Variants in ABTB2 observed in about 807,000 individuals in gnomAD.
ABTB2 encodes ankyrin repeat and BTB domain containing 2, also known as ankyrin repeat and BTB/POZ domain-containing protein 2.
A neutral mutation model predicts 104.1 loss-of-function variants in ABTB2; 56 were observed. That is an observed-to-expected ratio of 0.54 (90% CI 0.43 to 0.67). The LOEUF (loss-of-function observed/expected upper bound fraction) is 0.67. ABTB2 is among the 30% of genes least tolerant of loss of function. The probability of loss-of-function intolerance (pLI) is 0.00; values close to 1 mark genes in which losing one functional copy is unlikely to be tolerated. For missense variants in ABTB2, 1,279 were observed against 1,407.7 expected (o/e 0.91, Z 1.46); for synonymous variants, 606 against 608.2 (o/e 1.00, Z 0.05).
chr11:34,314,579 T>A (rs867205956), intron 1 of ABTB2, among the ~76,000 whole-genome samples: 5 of 152,062 alleles, frequency 3.3e-5, no homozygotes, highest in South Asian at 2.1e-4. Flanking sequence ...AAGGGAGAGG[T>A]GCTGATGGCT....
chr11:34,339,237 C>T (rs1256652541), intron 1 of ABTB2, among the ~76,000 whole-genome samples: 1 of 152,118 alleles, frequency 6.6e-6, no homozygotes, highest in African/African-American at 2.4e-5. Flanking sequence ...TGCACCCAGT[C>T]TAGAACATCA....
At chr11:34,264,928 T>C (rs1854229889) in intron 1 of ABTB2, among the ~76,000 whole-genome samples, 1 of 152,208 alleles carries the variant, frequency 6.6e-6, no homozygotes, top group African/African-American at 2.4e-5. Flanking sequence ...TCCTATTCAA[T>C]GTCCTTGGTC....
chr11:34,339,039 T>C (rs767777533), intron 1 of ABTB2, among the ~76,000 whole-genome samples: 48 of 152,226 alleles, frequency 3.2e-4, no homozygotes, highest in Non-Finnish European at 5.7e-4. Context: ...AAGTTCTTAC[T>C]GTGTGCCAAG....
At chr11:34,290,914 T>G (rs539211081) in intron 1 of ABTB2, among the ~76,000 whole-genome samples, 5 of 152,206 alleles carry the variant, frequency 3.3e-5, no homozygotes, top group Non-Finnish European at 7.3e-5. Flanking sequence ...ATAAATTTTT[T>G]TCCCAATAAA....
At chr11:34,337,072 C>CT (rs1332075501) in intron 1 of ABTB2, among the ~76,000 whole-genome samples, 3 of 152,186 alleles carry the variant, frequency 2.0e-5, no homozygotes, top group African/African-American at 7.2e-5. Context: ...CAAGGCCCTA[C>CT]TGCTTCTCAG....
chr11:34,327,956 A>C (rs1023112593), intron 1 of ABTB2, among the ~76,000 whole-genome samples: 1 of 152,104 alleles, frequency 6.6e-6, no homozygotes, highest in African/African-American at 2.4e-5. Flanking sequence ...AACATTTCCA[A>C]CCCTCATTCT....
chr11:34,335,319 G>A (rs758933713), intron 1 of ABTB2: 108 of 1,085,944 alleles, frequency 9.9e-5, no homozygotes, highest in Non-Finnish European at 1.5e-4. Flanking sequence ...TGCCAAACCA[G>A]ATGATGGGTC....
chr11:34,342,771 T>G (rs1036540672), intron 1 of ABTB2, among the ~76,000 whole-genome samples: 1 of 152,096 alleles, frequency 6.6e-6, no homozygotes, highest in African/African-American at 2.4e-5. Flanking sequence ...GGGGTAAGAC[T>G]GCCTGGACCA....
chr11:34,329,673 C>T (rs1434885305), intron 1 of ABTB2, among the ~76,000 whole-genome samples: 1 of 152,204 alleles, frequency 6.6e-6, no homozygotes, highest in Non-Finnish European at 1.5e-5. Flanking sequence ...TAGTTTGCAA[C>T]CACAGGAGAA....
intron 1 of ABTB2, among the ~76,000 whole-genome samples, chr11:34,327,821 T>C (rs1381290400): frequency 6.6e-6 from 1 of 152,212 alleles, no homozygotes; most frequent in Admixed American, 6.5e-5. Flanking sequence ...TTCTGGATTA[T>C]GTTTTCTGCT....
At chr11:34,176,279 CAAAAA>C (rs58009507) in intron 3 of ABTB2, among the ~76,000 whole-genome samples, 2 of 74,832 alleles carry the variant, frequency 2.7e-5, no homozygotes, top group Non-Finnish European at 2.3e-5. Context: ...GACTCCGTCT[CAAAAA>C]AAAAAAAAAA....
intron 1 of ABTB2, among the ~76,000 whole-genome samples, chr11:34,273,344 G>A (rs1157724351): frequency 1.3e-5 from 2 of 152,190 alleles, no homozygotes; most frequent in African/African-American, 4.8e-5. Flanking sequence ...ACTCCAGGCT[G>A]TCCAGGCCTG....
In ABTB2 at chr11:34,357,184, T is replaced by C; in HGVS notation, c.400A>G (p.Arg134Gly). 6.6e-7 allele frequency: 1 copy of C among 1,508,504 alleles called. No homozygotes were observed. The highest frequency in any genetic ancestry group is 8.8e-7 in the Non-Finnish European group (1 of 1,136,716). The allele number at this position is 1,508,504 out of a possible 1,614,324, so 93.4% of individuals were successfully genotyped here. The change falls in exon 1 of 17, where the codon AGG becomes GGG. Residue 134 changes from arginine (R) to glycine (G), a missense_variant. Transcript: ENST00000435224. The part of the protein sequence containing the change: ...AVRRLAGLLR[R>G]ALIRVAREAQ... ...TCGCGGGCCACGCGGATCAGTGCCC[T>C]GCGGAGCAGCCCGGCCAGGCGCCTC...
At chr11:34,327,492 T>C (rs1282548950) in intron 1 of ABTB2, among the ~76,000 whole-genome samples, 2 of 152,076 alleles carry the variant, frequency 1.3e-5, no homozygotes, top group South Asian at 2.1e-4. Context: ...CTCAGGCACA[T>C]TTGGTTATCT....
chr11:34,297,766 C>G, intron 1 of ABTB2, among the ~76,000 whole-genome samples: 1 of 16,070 alleles, frequency 6.2e-5, no homozygotes, highest in Non-Finnish European at 1.0e-4. Context: ...AACTCCATCT[C>G]AAAAAAAAAA....
chr11:34,290,620 T>C (rs935297260), intron 1 of ABTB2, among the ~76,000 whole-genome samples: 2 of 152,020 alleles, frequency 1.3e-5, no homozygotes, highest in African/African-American at 4.8e-5. Flanking sequence ...GGTGGGAGGA[T>C]TGCCTGAGGC....
In ABTB2 at chr11:34,356,555, G is replaced by T; in HGVS notation, c.883+146C>A. 1.8e-6 allele frequency: 2 copies of T among 1,130,932 alleles called. No homozygotes were observed. The highest frequency in any genetic ancestry group is 2.5e-6 in the Non-Finnish European group (2 of 813,382). The allele number at this position is 1,130,932 out of a possible 1,614,324, so 70.1% of individuals were successfully genotyped here. On this transcript the variant is annotated intron_variant, in intron 1 of 16. Coordinates refer to ENST00000435224, the MANE Select transcript of ABTB2 (RefSeq NM_145804.3). The surrounding 1 kb of genome is among the most constrained non-coding windows in gnomAD (Gnocchi z 4.6). ...TAGAACAATCTCTGGCAAGTGCCAT[G>T]TAATGAACCCTATCCTCAGACCAAA...
At chr11:34,201,917 A>T (rs181199005) in intron 2 of ABTB2, among the ~76,000 whole-genome samples, 9 of 152,340 alleles carry the variant, frequency 5.9e-5, no homozygotes, top group Admixed American at 5.9e-4. Flanking sequence ...GATAGACCTC[A>T]TTCCTCCTAA....
At chr11:34,321,563 G>A (rs373219983) in intron 1 of ABTB2, among the ~76,000 whole-genome samples, 3 of 152,336 alleles carry the variant, frequency 2.0e-5, no homozygotes, top group East Asian at 3.9e-4. Context: ...CAGCCAGGGC[G>A]TTATTGTCTC....
Sources: allele counts gnomAD v4.1 joint callset (sites outside exome capture counted in the v4.1 genomes callset), GRCh38; gene constraint gnomAD v4.1.1; non-coding constraint Gnocchi (gnomAD v3.1); transcripts MANE v1.5; gene names NCBI Gene and HGNC (gene_info 2026-07-23, HGNC 2026-07-21).